ARHGAP26: variants seen among roughly 807,000 people sequenced by gnomAD.
ARHGAP26 encodes Rho GTPase activating protein 26, also known as rho GTPase-activating protein 26.
A neutral mutation model predicts 104.8 loss-of-function variants in ARHGAP26; 38 were observed. That is an observed-to-expected ratio of 0.36 (90% CI 0.28 to 0.48). ARHGAP26 has a LOEUF of 0.48. Ranked by LOEUF, ARHGAP26 falls within the 20% of genes least tolerant of loss-of-function variation. The pLI is 0.99. For missense variants in ARHGAP26, 704 were observed against 947.9 expected, an observed-to-expected ratio of 0.74 and a Z score of 3.38; for synonymous variants, 341 against 340.0, an observed-to-expected ratio of 1.00 and a Z score of -0.03.
rs372411567 is a variant in ARHGAP26, at chr5:142,903,678, T to C, written c.832+9T>C. On this transcript the variant is annotated intron_variant, in intron 8 of 22. Coordinates refer to ENST00000645722, the MANE Select transcript of ARHGAP26 (RefSeq NM_001135608.3). ...CTACGTGCAGGAGAAACGTGAGTGCTTTGACTAGCAACAGCTTGGGATGTA... is the reference window on the plus strand; with the variant it reads ...CTACGTGCAGGAGAAACGTGAGTGCCTTGACTAGCAACAGCTTGGGATGTA... 48 of 1,612,626 alleles carry C rather than the reference T, an allele frequency of 3.0e-5. No individual in the cohort carries two copies. In the African/African-American group the frequency reaches 4.9e-4, roughly 17 times the overall value.
Position 143,228,121 on chromosome 5 carries a change from C to T in ARHGAP26, c.*5675C>T, listed in dbSNP as rs1811803941. Reference sequence around the variant, plus strand: ...GGTTAAGACATTCTATACTGTTCTACGTCAACCATTTCTACAAAGTTGTCC... The same window carrying T: ...GGTTAAGACATTCTATACTGTTCTATGTCAACCATTTCTACAAAGTTGTCC... On this transcript the variant is annotated 3_prime_UTR_variant, in exon 23 of 23. Coordinates refer to ENST00000645722, the MANE Select transcript of ARHGAP26 (RefSeq NM_001135608.3). 8.9e-6 allele frequency: 2 copies of T among 224,642 alleles called. No homozygotes were observed. Among genetic ancestry groups the T allele is most frequent in the East Asian group, 6.5e-5 (1 of 15,426 alleles). 13.9% of individuals were successfully genotyped at this position (224,642 alleles called of 1,614,324 possible). A position where few individuals can be genotyped will look rare whatever the true frequency, so the allele number is the denominator to read the frequency against.
chr5:142,990,129 A>ATTTC (rs1775373243), intron 11 of ARHGAP26, among the ~76,000 whole-genome samples: 1 of 152,124 alleles, frequency 6.6e-6, no homozygotes, highest in South Asian at 2.1e-4. Context: ...ATAGTCCCAC[A>ATTTC]TTTCTTGGAG....
intron 20 of ARHGAP26, among the ~76,000 whole-genome samples, chr5:143,162,108 GA>G (rs1437563619): frequency 6.6e-6 from 1 of 152,026 alleles, no homozygotes; most frequent in Non-Finnish European, 1.5e-5. Flanking sequence ...GCACAAGAGA[GA>G]TTTCTTCAAA....
At chr5:142,818,929 T>C (rs1200786385) in intron 1 of ARHGAP26, among the ~76,000 whole-genome samples, 1 of 152,086 alleles carries the variant, frequency 6.6e-6, no homozygotes, top group Non-Finnish European at 1.5e-5. Context: ...TTGGGGTATA[T>C]CTGGGAAGGG....
At chr5:143,183,073 C>CAAAAAAAAA (rs70991799) in intron 20 of ARHGAP26, among the ~76,000 whole-genome samples, 1 of 89,962 alleles carries the variant, frequency 1.1e-5, no homozygotes, top group Non-Finnish European at 2.4e-5. Flanking sequence ...TGAAAAGTGG[C>CAAAAAAAAA]AAAAAAAAAA....
intron 22 of ARHGAP26, among the ~76,000 whole-genome samples, chr5:143,218,180 A>T (rs555092717): frequency 6.6e-6 from 1 of 152,210 alleles, no homozygotes. Context: ...CACTCTCACT[A>T]TGAGGCCCTT....
chr5:142,978,330 A>G (rs1399508547), intron 11 of ARHGAP26, among the ~76,000 whole-genome samples: 2 of 152,158 alleles, frequency 1.3e-5, no homozygotes. Context: ...GAGGTATGAG[A>G]TAATGTGTGA....
Position 143,166,010 on chromosome 5 carries a change from C to T in ARHGAP26, c.1988+18629C>T, listed in dbSNP as rs116911710. 3,433 of 1,313,810 alleles carry T rather than the reference C, an allele frequency of 2.6e-3. 66 individuals are homozygous for T. In the East Asian group the frequency reaches 0.074, roughly 28 times the overall value. 81.4% of individuals were successfully genotyped at this position (1,313,810 alleles called of 1,614,324 possible). On this transcript the variant is annotated intron_variant, in intron 20 of 22. Transcript: ENST00000645722. ...AGTTACCTGCCGTAATTATGGTCATCGTTGCTCTTTTAACAGGCACTGGGG... is the reference window on the plus strand; with the variant it reads ...AGTTACCTGCCGTAATTATGGTCATTGTTGCTCTTTTAACAGGCACTGGGG...
Position 143,207,254 on chromosome 5 carries a change from C to T in ARHGAP26, c.2045C>T (p.Ala682Val), listed in dbSNP as rs148592957. The T allele has an allele frequency of 1.3e-5, 21 of 1,614,156 alleles. No individual in the cohort carries two copies. In the East Asian group the frequency reaches 1.6e-4, roughly 12 times the overall value. Residue 682 changes from alanine (A) to valine (V), a missense_variant, in exon 21 of 23, where the codon GCG becomes GTG. Ala to Val is a moderately conservative substitution (Grantham distance 64). Coordinates refer to ENST00000645722, the MANE Select transcript of ARHGAP26 (RefSeq NM_001135608.3). ...TCGCCATCTTGGCCCATGTTCTCGG[C>T]GCCATCCAGCCCTATGCCCACCTCA... ...PLSPSWPMFSAPSSPMPTSST... is the reference protein window; with the variant it reads ...PLSPSWPMFSVPSSPMPTSST...
At chr5:142,787,228 A>G (rs1392277433) in intron 1 of ARHGAP26, among the ~76,000 whole-genome samples, 1 of 152,202 alleles carries the variant, frequency 6.6e-6, no homozygotes, top group Non-Finnish European at 1.5e-5. Flanking sequence ...GACAGTGTCA[A>G]GTGTCTCATT....
intron 20 of ARHGAP26, among the ~76,000 whole-genome samples, chr5:143,195,965 C>A (rs1385023344): frequency 4.6e-5 from 7 of 151,904 alleles, no homozygotes; most frequent in African/African-American, 1.7e-4. Context: ...GAACCTCAAG[C>A]GACTCTAAAA....
At chr5:143,147,143 C>G in intron 19 of ARHGAP26, 88 bp from the exon 20 acceptor site, 1 of 1,425,560 alleles carries the variant, frequency 7.0e-7, no homozygotes, top group Admixed American at 2.0e-5. Flanking sequence ...TTGATCCAGT[C>G]TTATTCTTTA....
intron 1 of ARHGAP26, among the ~76,000 whole-genome samples, chr5:142,827,712 A>G (rs1767571247): frequency 6.6e-6 from 1 of 152,184 alleles, no homozygotes; most frequent in South Asian, 2.1e-4. Flanking sequence ...CCCTCTGGTG[A>G]CCCAAGTCTA....
intron 11 of ARHGAP26, among the ~76,000 whole-genome samples, chr5:143,011,491 G>A (rs1210852259): frequency 6.6e-6 from 1 of 152,076 alleles, no homozygotes. Context: ...TAAGCACACA[G>A]TAAATATTTG....
In ARHGAP26 at chr5:143,134,728, C is replaced by G. The variant is rs11744705; in HGVS notation, c.1837+623C>G. 4.4e-3 allele frequency among the ~76,000 whole-genome samples: 670 copies of G among 152,342 alleles called. 1 individual carries two copies. Among genetic ancestry groups the G allele is most frequent in the Middle Eastern group, 0.017 (5 of 294 alleles). On this transcript the variant is annotated intron_variant, in intron 19 of 22. Transcript: ENST00000645722. ...GGATTTCTGAGTTCTTTGCAATGAT[C>G]AGGTACTGACCCCTAAAATATACAG...
intron 20 of ARHGAP26, among the ~76,000 whole-genome samples, chr5:143,200,518 A>T (rs1807533830): frequency 6.6e-6 from 1 of 152,204 alleles, no homozygotes; most frequent in Admixed American, 6.5e-5. Flanking sequence ...ATGTTATCAA[A>T]GGCTATATAA....
At chr5:143,091,384 A>C (rs569319503) in intron 17 of ARHGAP26, among the ~76,000 whole-genome samples, 183 of 152,370 alleles carry the variant, frequency 1.2e-3, no homozygotes, top group African/African-American at 3.8e-3. Context: ...GGGAAAGGAA[A>C]GTGGAAGATA....
Position 143,115,355 on chromosome 5 carries a change from A to C in ARHGAP26, c.1539-5633A>C, listed in dbSNP as rs201553329. On this transcript the variant is annotated intron_variant, in intron 17 of 22. Coordinates refer to ENST00000645722, the MANE Select transcript of ARHGAP26 (RefSeq NM_001135608.3). The stretch of plus-strand genomic sequence containing the variant: ...TCTCAAAAACAACAACAACAACAAA[A>C]AACGAAAGAAAGAAAAGACGTACTA... Among the ~76,000 whole-genome samples the C allele has an allele frequency of 9.4e-3, 508 of 54,252 alleles. 15 individuals are homozygous for C. The East Asian group carries it at 0.12, about 13-fold the overall frequency. The allele number at this position is 54,252 out of a possible 152,430, so 35.6% of individuals were successfully genotyped here. A position where few individuals can be genotyped will look rare whatever the true frequency, so the allele number is the denominator to read the frequency against.
chr5:142,998,562 C>T (rs1227613799), intron 11 of ARHGAP26, among the ~76,000 whole-genome samples: 2 of 152,080 alleles, frequency 1.3e-5, no homozygotes, highest in Non-Finnish European at 2.9e-5. Flanking sequence ...AAAGAAGAAG[C>T]AAGAGAGGCT....
Sources: allele counts gnomAD v4.1 joint callset (sites outside exome capture counted in the v4.1 genomes callset), GRCh38; gene constraint gnomAD v4.1.1; transcripts MANE v1.5; gene names NCBI Gene and HGNC (gene_info 2026-07-23, HGNC 2026-07-21).